Variants in OTOF observed in about 807,000 individuals in gnomAD.
OTOF encodes the protein otoferlin, also known as fer-1-like family member 2.
A neutral mutation model predicts 236.8 loss-of-function variants in OTOF; 218 were observed. The ratio of observed to expected loss-of-function variants is 0.92; its 90% CI spans 0.82 to 1.03. OTOF has a LOEUF of 1.03. OTOF is among the 50% of genes least tolerant of loss of function. OTOF has a pLI of 0.00. For missense variants in OTOF, 2,590 were observed against 2,694.4 expected, an observed-to-expected ratio of 0.96 and a Z score of 0.86; for synonymous variants, 1,041 against 1,072.5, an observed-to-expected ratio of 0.97 and a Z score of 0.57.
At chr2:26,508,098 G>A (rs543622237) in intron 5 of OTOF, among the ~76,000 whole-genome samples, 1 of 152,162 alleles carries the variant, frequency 6.6e-6, no homozygotes, top group Non-Finnish European at 1.5e-5. Context: ...GCTGCAGGTC[G>A]AGTCCATTCA....
intron 8 of OTOF, 23 bp from the exon 9 acceptor site, chr2:26,495,096 C>A: frequency 6.2e-7 from 1 of 1,613,768 alleles, no homozygotes; most frequent in Non-Finnish European, 8.5e-7. Flanking sequence ...GAAGGGGGAG[C>A]CAGAAGGAAA....
In OTOF at chr2:26,462,259, G is replaced by T; in HGVS notation, c.5193-78C>A. On this transcript the variant is annotated intron_variant, in intron 41 of 46. Coordinates refer to ENST00000272371, the MANE Select transcript of OTOF (RefSeq NM_194248.3). The surrounding 1 kb of genome is among the most constrained non-coding windows in gnomAD (Gnocchi z 4.7). ...GGGTGCCAGGGCTGGGATGGGGCAG[G>T]CGGAGAGAAGCCCTGGGGTCTTGGG... 1 of 1,222,786 alleles carries T rather than the reference G, an allele frequency of 8.2e-7. No homozygotes were observed. Among genetic ancestry groups the T allele is most frequent in the Non-Finnish European group, 1.2e-6 (1 of 825,666 alleles). 75.7% of individuals were successfully genotyped at this position (1,222,786 alleles called of 1,614,324 possible).
intron 9 of OTOF, among the ~76,000 whole-genome samples, chr2:26,491,012 A>G (rs1665828040): frequency 6.6e-6 from 1 of 152,118 alleles, no homozygotes; most frequent in Admixed American, 6.5e-5. Context: ...GACACCTTGG[A>G]GATGGAGGAG....
At chr2:26,537,919 G>T (rs1477775932) in intron 1 of OTOF, 145 bp from the exon 2 acceptor site, 1 of 706,838 alleles carries the variant, frequency 1.4e-6, no homozygotes, top group East Asian at 2.7e-5. Context: ...ACCTCTCCCA[G>T]GGTGAGGCCA....
In OTOF at chr2:26,458,018, GGCTGGCGGGA is replaced by G; in HGVS notation, c.*210_*219del. 6.2e-7 allele frequency: 1 copy of G among 1,606,204 alleles called. No individual in the cohort carries two copies. On this transcript the variant is annotated 3_prime_UTR_variant, in exon 47 of 47. Transcript: ENST00000272371. ...AGGAAATGCGGCAGGGCTGGGGAGC[GGCTGGCGGGA>G]GCTGGCGGCCTTCATGCCCCAAGGA...
At chr2:26,520,553 A>T (rs371815149) in intron 3 of OTOF, among the ~76,000 whole-genome samples, 2 of 152,190 alleles carry the variant, frequency 1.3e-5, no homozygotes, top group Admixed American at 1.3e-4. Context: ...GAAACTGACC[A>T]CGCCACTCCT....
At position 26,484,577 on chromosome 2, in the gene OTOF, C is replaced by T. The variant is rs1369859338; in HGVS notation, c.1102G>A (p.Gly368Arg). The T allele has an allele frequency of 6.2e-7, 1 of 1,613,812 alleles. No homozygotes were observed. The highest frequency in any genetic ancestry group is 2.2e-5 in the East Asian group (1 of 44,880). Residue 368 changes from glycine (G) to arginine (R), a missense_variant, in exon 12 of 47, where the codon GGG (glycine) becomes AGG (arginine). Around this residue, in one of 2 missense-constraint regions of OTOF, gnomAD observed 1,379 missense variants for 1,341.6 expected, o/e 1.03. Coordinates refer to ENST00000272371, the MANE Select transcript of OTOF (RefSeq NM_194248.3). ...TCACACTTCACGTAGCCCTTCAGCC[C>T]CGAGGAGATGTCATCGGGGTCAGAC... ...ILSDPDDISS[G>R]LKGYVKCDVA...
chr2:26,552,971 G>A (rs556913441), intron 1 of OTOF, among the ~76,000 whole-genome samples: 98 of 152,166 alleles, frequency 6.4e-4, no homozygotes, highest in Non-Finnish European at 1.2e-3. Flanking sequence ...TTTCAGGGGT[G>A]GGTGCACTGG....
intron 18 of OTOF, 41 bp downstream of exon 18, chr2:26,479,223 C>T: frequency 6.2e-7 from 1 of 1,608,974 alleles, no homozygotes; most frequent in Non-Finnish European, 8.5e-7. Context: ...CGCCGTCTCC[C>T]CCAGGACCCC....
At chr2:26,542,636 G>A (rs1667235791) in intron 1 of OTOF, among the ~76,000 whole-genome samples, 1 of 152,210 alleles carries the variant, frequency 6.6e-6, no homozygotes, top group Non-Finnish European at 1.5e-5. Flanking sequence ...CAGGCAGAGA[G>A]AACAGTGTAA....
At position 26,466,478 on chromosome 2, in the gene OTOF, A is replaced by T. The variant is rs377292424; in HGVS notation, c.4500+236T>A. 7.2e-5 allele frequency among the ~76,000 whole-genome samples: 11 copies of T among 152,290 alleles called. No homozygotes were observed. The South Asian group carries it at 2.3e-3, about 32-fold the overall frequency. Reference sequence around the variant, plus strand: ...CAGCCTCCTCAGTAGCTGGGATTACAGGTGCGTGGCACTGTGCCTGGCTAA... The same window carrying T: ...CAGCCTCCTCAGTAGCTGGGATTACTGGTGCGTGGCACTGTGCCTGGCTAA... On this transcript the variant is annotated intron_variant, in intron 36 of 46. Coordinates refer to ENST00000272371, the MANE Select transcript of OTOF (RefSeq NM_194248.3).
intron 5 of OTOF, among the ~76,000 whole-genome samples, chr2:26,511,921 C>A (rs1666400908): frequency 6.6e-6 from 1 of 152,200 alleles, no homozygotes; most frequent in Non-Finnish European, 1.5e-5. Context: ...ACTGGCCCCA[C>A]ATGCACACAC....
chr2:26,555,948 C>G (rs1667575814), intron 1 of OTOF, among the ~76,000 whole-genome samples: 1 of 152,224 alleles, frequency 6.6e-6, no homozygotes, highest in Non-Finnish European at 1.5e-5. Context: ...GATGAGGAAA[C>G]TGAGGGTGAG....
intron 3 of OTOF, among the ~76,000 whole-genome samples, chr2:26,527,361 T>A (rs918310498): frequency 2.6e-5 from 4 of 152,258 alleles, no homozygotes; most frequent in African/African-American, 9.6e-5. Context: ...ACACAGTAGA[T>A]GACTGACCTG....
intron 1 of OTOF, among the ~76,000 whole-genome samples, chr2:26,544,837 A>ACCAT (rs1206761602): frequency 6.6e-6 from 1 of 151,960 alleles, no homozygotes; most frequent in Non-Finnish European, 1.5e-5. Flanking sequence ...GGAGATGGAG[A>ACCAT]CCATCATGGC....
At position 26,519,086 on chromosome 2, in the gene OTOF, A is replaced by T; in HGVS notation, c.251T>A (p.Val84Glu). The T allele has an allele frequency of 6.2e-7, 1 of 1,604,764 alleles. No homozygotes were observed. Among genetic ancestry groups the T allele is most frequent in the African/African-American group, 1.3e-5 (1 of 74,978 alleles). The change falls in exon 4 of 47, where the codon GTG becomes GAG. Residue 84 changes from valine to glutamate, a missense_variant. This residue lies in a region of OTOF where 1,379 missense variants were observed against 1,341.6 expected (regional missense o/e 1.03). Transcript: ENST00000272371. ...SNKLIGTFRM[V>E]LQKVVEESHV... ...GCTCTCCTCTACCACCTTCTGCAGC[A>T]CCATGCGGAAGGTCCCGATGAGCCT...
At position 26,470,610 on chromosome 2, in the gene OTOF, T is replaced by C. The variant is rs766952985; in HGVS notation, c.4006A>G (p.Ile1336Val). 36 of 1,614,024 alleles carry C rather than the reference T, an allele frequency of 2.2e-5. No individual in the cohort carries two copies. In the South Asian group the frequency reaches 3.8e-4, roughly 17 times the overall value. The change falls in exon 32 of 47, where the codon ATT becomes GTT. Residue 1336 changes from isoleucine (I) to valine (V), a missense_variant. Ile to Val is a conservative substitution (Grantham distance 29, BLOSUM62 3). Coordinates refer to ENST00000272371, the MANE Select transcript of OTOF (RefSeq NM_194248.3). The surrounding 1 kb of genome is among the most constrained non-coding windows in gnomAD (Gnocchi z 4.3). ...LDWWSKYFAS[I>V]DTMKEQLRQQ... ...GGTCTCACCTCCTTCATGGTGTCAATGGAGGCAAAGTACTTGGACCACCAG... is the reference window on the plus strand; with the variant it reads ...GGTCTCACCTCCTTCATGGTGTCAACGGAGGCAAAGTACTTGGACCACCAG...
At chr2:26,514,973 CCTCTT>C (rs1306922566) in intron 5 of OTOF, among the ~76,000 whole-genome samples, 2 of 152,244 alleles carry the variant, frequency 1.3e-5, no homozygotes, top group Non-Finnish European at 2.9e-5. Context: ...GAGCACTGCT[CCTCTT>C]CTCACAATTT....
Position 26,502,426 on chromosome 2 carries a change from T to C in OTOF, c.584A>G (p.Asp195Gly). The change falls in exon 7 of 47, where the codon GAT (aspartate) becomes GGT (glycine). Residue 195 changes from aspartate (D) to glycine (G), a missense_variant and splice_region_variant. By Grantham distance (94) the Asp-to-Gly change is moderately conservative (BLOSUM62 -1). This residue lies in a region of OTOF where 1,379 missense variants were observed against 1,341.6 expected (regional missense o/e 1.03). Coordinates refer to ENST00000272371, the MANE Select transcript of OTOF (RefSeq NM_194248.3). ...RSHKEEPQRPDEPAVLEMEDL... is the reference protein window; with the variant it reads ...RSHKEEPQRPGEPAVLEMEDL... Reference sequence around the variant, plus strand: ...TTCCATCTCCAGCACCGCCGGTTCATCTGGGGAAGATGAAAGACTGGTTAG... The same window carrying C: ...TTCCATCTCCAGCACCGCCGGTTCACCTGGGGAAGATGAAAGACTGGTTAG... 1.2e-6 allele frequency: 2 copies of C among 1,612,804 alleles called. No homozygotes were observed. The highest frequency in any genetic ancestry group is 1.7e-6 in the Non-Finnish European group (2 of 1,179,736).
Sources: gnomAD v4.1 joint callset for allele counts (sites outside exome capture counted in the v4.1 genomes callset) on GRCh38, gnomAD v4.1.1 for gene constraint, gnomAD v4.1.1 regional missense constraint, Gnocchi (gnomAD v3.1) non-coding constraint, MANE v1.5 for transcripts, NCBI Gene and HGNC (gene_info 2026-07-23, HGNC 2026-07-21) for gene names.